The following PIK3R3 variants were observed in gnomAD, a reference collection of about 807,000 sequenced individuals.
The protein encoded by PIK3R3 is phosphatidylinositol 3-kinase regulatory subunit gamma.
PIK3R3 carries 64 observed loss-of-function variants against 62.9 expected under a neutral mutation model. The observed-to-expected ratio is 1.02, with a 90% CI of 0.83 to 1.25. The LOEUF (loss-of-function observed/expected upper bound fraction) is 1.25, where lower values mean the gene tolerates loss of function less well. Among genes scored for constraint, PIK3R3 ranks in the 50% most tolerant of loss-of-function variants. The pLI is 0.00. For missense variants in PIK3R3, 614 were observed against 561.6 expected (o/e 1.09, Z -0.94); for synonymous variants, 165 against 189.0 (o/e 0.87, Z 1.04).
chr1:46,140,263 G>T, the PIK3R3 span, among the ~76,000 whole-genome samples: 34 of 152,294 alleles, frequency 2.2e-4, no homozygotes, highest in East Asian at 6.6e-3. Context: ...CATGTGCTAG[G>T]ATTACAGGCA....
chr1:46,100,858 G>A (rs1208978466), intron 1 of PIK3R3, among the ~76,000 whole-genome samples: 2 of 152,104 alleles, frequency 1.3e-5, no homozygotes, highest in African/African-American at 4.8e-5. Context: ...TGTTGTCATT[G>A]TAGCTGTTGC....
intron 1 of PIK3R3, among the ~76,000 whole-genome samples, chr1:46,115,532 G>T (rs911497945): frequency 1.3e-5 from 2 of 152,096 alleles, no homozygotes; most frequent in Admixed American, 1.3e-4. Flanking sequence ...ATACTGCATG[G>T]TCCATACTGC....
chr1:46,158,265 C>A, the PIK3R3 span, among the ~76,000 whole-genome samples: 1 of 152,234 alleles, frequency 6.6e-6, no homozygotes, highest in Non-Finnish European at 1.5e-5. Flanking sequence ...CATCCAAACT[C>A]CCTAACTTAA....
chr1:46,131,872 T>C lies in PIK3R3; in HGVS notation c.81A>G (p.Ile27Met). ...CTGGAGGATCCATTTCAATATAAAA[T>C]ATCAGTTCTGTCGAATAGGGCATCA... ...EVMMPYSTEL[I>M]FYIEMDPPAL... The change falls in exon 1 of 10, where the codon ATA becomes ATG. Residue 27 changes from isoleucine to methionine, a missense_variant. Coordinates refer to ENST00000262741, the MANE Select transcript of PIK3R3 (RefSeq NM_003629.4). The C allele has an allele frequency of 6.2e-7, 1 of 1,612,830 alleles. No individual in the cohort carries two copies. Among genetic ancestry groups the C allele is most frequent in the African/African-American group, 1.3e-5 (1 of 74,808 alleles).
At chr1:46,107,883 T>C in intron 1 of PIK3R3, among the ~76,000 whole-genome samples, 1 of 152,344 alleles carries the variant, frequency 6.6e-6, no homozygotes, top group Middle Eastern at 3.4e-3. Flanking sequence ...ATATTAATAC[T>C]ACATAGATAA....
intron 1 of PIK3R3, among the ~76,000 whole-genome samples, chr1:46,085,018 G>A (rs1158519837): frequency 6.6e-6 from 1 of 152,186 alleles, no homozygotes; most frequent in Non-Finnish European, 1.5e-5. Flanking sequence ...ACTGCATGAG[G>A]AAGCTGCTAT....
At chr1:46,167,192 T>C in the PIK3R3 span, among the ~76,000 whole-genome samples, 1 of 152,208 alleles carries the variant, frequency 6.6e-6, no homozygotes, top group Non-Finnish European at 1.5e-5. Flanking sequence ...TGGCGCCGGG[T>C]GCGCCTCGCT....
chr1:46,063,611 T>G (rs1648720948), intron 5 of PIK3R3, among the ~76,000 whole-genome samples: 1 of 152,202 alleles, frequency 6.6e-6, no homozygotes, highest in African/African-American at 2.4e-5. Flanking sequence ...TTGATATCAC[T>G]ACTAAGTCAG....
the PIK3R3 span, among the ~76,000 whole-genome samples, chr1:46,149,302 A>G: frequency 5.3e-5 from 8 of 151,526 alleles, no homozygotes; most frequent in Non-Finnish European, 1.2e-4. Context: ...GGTGCCTGTA[A>G]TCCCAAATAC....
In PIK3R3 at chr1:46,044,076, A is replaced by C. The variant is rs1411902718; in HGVS notation, c.1188-205T>G. ...CAACCACAAATGTAAGGGTTTATTT[A>C]TTTCTTTTTTTTTTTTTTAGACAGG... is the stretch of plus-strand genomic sequence containing the variant. On this transcript the variant is annotated intron_variant, in intron 9 of 9. Coordinates refer to ENST00000262741, the MANE Select transcript of PIK3R3 (RefSeq NM_003629.4). The surrounding 1 kb of genome is among the most constrained non-coding windows in gnomAD (Gnocchi z 4.2). 1.5e-5 allele frequency among the ~76,000 whole-genome samples: 2 copies of C among 130,362 alleles called. No individual in the cohort carries two copies. Among genetic ancestry groups the C allele is most frequent in the African/African-American group, 2.9e-5 (1 of 34,894 alleles). 85.5% of individuals were successfully genotyped at this position (130,362 alleles called of 152,430 possible).
Position 46,066,292 on chromosome 1 carries a change from A to G in PIK3R3, c.496-113T>C, listed in dbSNP as rs1327936016. The G allele has an allele frequency of 2.8e-5, 20 of 704,558 alleles. No homozygotes were observed. In the East Asian group the frequency reaches 5.3e-4, roughly 19 times the overall value. The allele number at this position is 704,558 out of a possible 1,614,324, so 43.6% of individuals were successfully genotyped here. A position where few individuals can be genotyped will look rare whatever the true frequency, so the allele number is the denominator to read the frequency against. ...TATCACCTCAACCATCTATTAAACT[A>G]TATTTCAACTGTACAACTTTAAGCC... On this transcript the variant is annotated intron_variant, in intron 4 of 9. Coordinates refer to ENST00000262741, the MANE Select transcript of PIK3R3 (RefSeq NM_003629.4).
At chr1:46,113,729 T>G (rs1571534624) in intron 1 of PIK3R3, among the ~76,000 whole-genome samples, 1 of 152,272 alleles carries the variant, frequency 6.6e-6, no homozygotes, top group African/African-American at 2.4e-5. Flanking sequence ...TCTATTGCTA[T>G]ACTTTGACAT....
intron 1 of PIK3R3, among the ~76,000 whole-genome samples, chr1:46,085,284 A>G (rs1460722994): frequency 1.3e-5 from 2 of 152,236 alleles, no homozygotes; most frequent in Non-Finnish European, 2.9e-5. Flanking sequence ...TACATAGGCA[A>G]ATATGTATTG....
chr1:46,046,587 T>G lies in PIK3R3; in HGVS notation c.980A>C (p.Asn327Thr). 6.2e-7 allele frequency: 1 copy of G among 1,613,730 alleles called. No individual in the cohort carries two copies. Among genetic ancestry groups the G allele is most frequent in the Non-Finnish European group, 8.5e-7 (1 of 1,179,600 alleles). Reference protein sequence around the residue: ...NHKGVRQKRLNVWLGIKNEDA... With the variant: ...NHKGVRQKRLTVWLGIKNEDA... ...CTCATTCTTAATTCCCAGCCAGACA[T>G]TCAGGCGTTTCTGTCTCACTCCTTT... Residue 327 changes from asparagine to threonine, a missense_variant, in exon 8 of 10, where the codon AAT becomes ACT. Physicochemically the swap from Asn to Thr is moderately conservative, Grantham distance 65. Transcript: ENST00000262741.
In PIK3R3 at chr1:46,132,548, C is replaced by A; in HGVS notation, c.-596G>T. ...CGGGAATGGGGCCGGCCGGAGAAGT[C>A]CAGTCAGCTCGGCTTGTCTGGGCGC... is the stretch of plus-strand genomic sequence containing the variant. On this transcript the variant is annotated 5_prime_UTR_variant, in exon 1 of 10. Transcript: ENST00000262741. 7.9e-7 allele frequency: 1 copy of A among 1,271,046 alleles called. No homozygotes were observed. Among genetic ancestry groups the A allele is most frequent in the Non-Finnish European group, 1.0e-6 (1 of 978,788 alleles). The allele number at this position is 1,271,046 out of a possible 1,614,324, so 78.7% of individuals were successfully genotyped here.
At chr1:46,132,646 A>T, upstream of PIK3R3, 9 of 1,289,550 alleles carry the variant, frequency 7.0e-6, no homozygotes, top group Non-Finnish European at 9.1e-6. Context: ...CAGCCACTAG[A>T]GTTTCATTTT....
intron 1 of PIK3R3, among the ~76,000 whole-genome samples, chr1:46,124,434 A>G (rs1654918135): frequency 1.3e-5 from 2 of 152,312 alleles, no homozygotes; most frequent in Non-Finnish European, 2.9e-5. Flanking sequence ...ATATTTTTCT[A>G]CCTATCTTGT....
At chr1:46,084,666 T>C (rs1650904243) in intron 1 of PIK3R3, among the ~76,000 whole-genome samples, 1 of 152,190 alleles carries the variant, frequency 6.6e-6, no homozygotes, top group Non-Finnish European at 1.5e-5. Context: ...CACTGCACTA[T>C]AGCTATGAAA....
chr1:46,063,263 A>T (rs1413874449), intron 5 of PIK3R3, among the ~76,000 whole-genome samples: 1 of 152,246 alleles, frequency 6.6e-6, no homozygotes, highest in African/African-American at 2.4e-5. Context: ...TGTATACATA[A>T]AATAACAAGG....
Sources: allele counts gnomAD v4.1 joint callset (sites outside exome capture counted in the v4.1 genomes callset), GRCh38; gene constraint gnomAD v4.1.1; non-coding constraint Gnocchi (gnomAD v3.1); transcripts MANE v1.5; gene names NCBI Gene and HGNC (gene_info 2026-07-23, HGNC 2026-07-21).